The following ARHGAP26 variants were observed in gnomAD, a reference collection of about 807,000 sequenced individuals.
The protein encoded by ARHGAP26 is rho GTPase-activating protein 26.
A neutral mutation model predicts 104.8 loss-of-function variants in ARHGAP26; 38 were observed. The observed-to-expected ratio is 0.36, with a 90% CI of 0.28 to 0.48. The LOEUF (loss-of-function observed/expected upper bound fraction) is 0.48, where lower values mean the gene tolerates loss of function less well. Ranked by LOEUF, ARHGAP26 falls within the 20% of genes least tolerant of loss-of-function variation. The pLI is 0.99. For synonymous variants in ARHGAP26, 341 were observed against 340.0 expected (o/e 1.00, Z -0.03); for missense variants, 704 against 947.9 (o/e 0.74, Z 3.38).
intron 20 of ARHGAP26, among the ~76,000 whole-genome samples, chr5:143,183,373 G>C (rs1018105977): frequency 6.6e-6 from 1 of 152,148 alleles, no homozygotes; most frequent in African/African-American, 2.4e-5. Flanking sequence ...GGATTGAGGA[G>C]ATAATGAGAG....
rs35142931 is a variant in ARHGAP26, at chr5:143,167,307, TAA to T, written c.1988+19950_1988+19951del. Among the ~76,000 whole-genome samples, 291 of 96,884 alleles carry T rather than the reference TAA, an allele frequency of 3.0e-3. 3 individuals are homozygous for T. The East Asian group carries it at 0.032, about 11-fold the overall frequency. 63.6% of individuals were successfully genotyped at this position (96,884 alleles called of 152,430 possible). On this transcript the variant is annotated intron_variant, in intron 20 of 22. Transcript: ENST00000645722. Reference sequence around the variant, plus strand: ...CATTGTTGAAACCTCATCTCTACTTTAAAAAAAAAAAAAAAAAAAAAAAAATT... The same window carrying T: ...CATTGTTGAAACCTCATCTCTACTTTAAAAAAAAAAAAAAAAAAAAAAATT...
At chr5:143,096,841 C>G (rs1352323766) in intron 17 of ARHGAP26, among the ~76,000 whole-genome samples, 6 of 152,028 alleles carry the variant, frequency 3.9e-5, no homozygotes, top group Non-Finnish European at 1.5e-5. Flanking sequence ...GAAACCTCCC[C>G]GTAGTTAATG....
In ARHGAP26 at chr5:143,224,231, T is replaced by TATG. The variant is rs1811481439; in HGVS notation, c.*1786_*1788dup. 1 of 231,488 alleles carries TATG rather than the reference T, an allele frequency of 4.3e-6. No homozygotes were observed. Among genetic ancestry groups the TATG allele is most frequent in the Non-Finnish European group, 8.6e-6 (1 of 116,870 alleles). The allele number at this position is 231,488 out of a possible 1,614,324, so 14.3% of individuals were successfully genotyped here. ...ACTTAGGCTTTGATTGCTGAAGAAG[T>TATG]ATGTTTAAGAGGGAGAGAGGGGAGG... On this transcript the variant is annotated 3_prime_UTR_variant, in exon 23 of 23. Coordinates refer to ENST00000645722, the MANE Select transcript of ARHGAP26 (RefSeq NM_001135608.3).
At chr5:142,840,092 A>G (rs965613759) in intron 1 of ARHGAP26, among the ~76,000 whole-genome samples, 3 of 152,100 alleles carry the variant, frequency 2.0e-5, no homozygotes, top group African/African-American at 7.2e-5. Flanking sequence ...GATGGGATGT[A>G]TGGGTGTGGC....
chr5:143,104,037 A>AG (rs1562431967), intron 17 of ARHGAP26, among the ~76,000 whole-genome samples: 8 of 151,984 alleles, frequency 5.3e-5, no homozygotes. Context: ...GAAAAAAAAA[A>AG]AGAGAGAAAT....
rs908016198 is a variant in ARHGAP26, at chr5:143,228,778, A to G, written c.*6332A>G. The G allele has an allele frequency of 8.6e-5, 17 of 197,836 alleles. No homozygotes were observed. The highest frequency in any genetic ancestry group is 1.9e-4 in the South Asian group (1 of 5,196). 12.3% of individuals were successfully genotyped at this position (197,836 alleles called of 1,614,324 possible). A position where few individuals can be genotyped will look rare whatever the true frequency, so the allele number is the denominator to read the frequency against. On this transcript the variant is annotated 3_prime_UTR_variant, in exon 23 of 23. Transcript: ENST00000645722. ...ATAGAATCCAATGCTGTAATTAGAA[A>G]GTAATCTGTGACTAGAATAGACCTT...
intron 17 of ARHGAP26, among the ~76,000 whole-genome samples, chr5:143,088,337 C>T (rs994659648): frequency 2.6e-5 from 4 of 152,070 alleles, no homozygotes; most frequent in Non-Finnish European, 4.4e-5. Context: ...GGGACATATA[C>T]GGTTGTACTA....
intron 5 of ARHGAP26, among the ~76,000 whole-genome samples, chr5:142,893,211 C>T (rs899800712): frequency 2.0e-5 from 3 of 152,002 alleles, no homozygotes; most frequent in Admixed American, 6.6e-5. Flanking sequence ...CTCTTGACCT[C>T]GTGATCCGCC....
At chr5:142,805,380 G>A (rs1333662714) in intron 1 of ARHGAP26, among the ~76,000 whole-genome samples, 1 of 152,120 alleles carries the variant, frequency 6.6e-6, no homozygotes, top group Non-Finnish European at 1.5e-5. Context: ...GGGATTACAG[G>A]TGTGACCCAC....
At chr5:143,165,666 C>G (rs1801833189) in intron 20 of ARHGAP26, among the ~76,000 whole-genome samples, 1 of 152,140 alleles carries the variant, frequency 6.6e-6, no homozygotes, top group Non-Finnish European at 1.5e-5. Context: ...ACCCATCACC[C>G]AATAATGAAC....
At chr5:142,968,174 G>A (rs1035533055) in intron 11 of ARHGAP26, among the ~76,000 whole-genome samples, 7 of 151,900 alleles carry the variant, frequency 4.6e-5, no homozygotes, top group Non-Finnish European at 7.4e-5. Flanking sequence ...GAGGTAGGTC[G>A]TATTTCCCTC....
intron 20 of ARHGAP26, among the ~76,000 whole-genome samples, chr5:143,187,781 G>C (rs546797945): frequency 6.6e-6 from 1 of 152,330 alleles, no homozygotes; most frequent in Admixed American, 6.5e-5. Context: ...ACAGGGGAGT[G>C]TCCAGCCCTA....
chr5:143,060,698 G>T (rs76179606), intron 17 of ARHGAP26, among the ~76,000 whole-genome samples: 1 of 151,752 alleles, frequency 6.6e-6, no homozygotes, highest in African/African-American at 2.4e-5. Flanking sequence ...AGAATAACCC[G>T]GGGCGCTTGT....
chr5:142,871,068 T>G lies in ARHGAP26; in HGVS notation c.155-2332T>G, dbSNP rs1279422286. On this transcript the variant is annotated intron_variant, in intron 1 of 22. Transcript: ENST00000645722. The surrounding 1 kb of genome is among the most constrained non-coding windows in gnomAD (Gnocchi z 4.1). ...CTCTACCCAGCTTTCCTCATTGGCTTGAAGCCCAATACTGACTCCATACCA... is the reference window on the plus strand; with the variant it reads ...CTCTACCCAGCTTTCCTCATTGGCTGGAAGCCCAATACTGACTCCATACCA... Among the ~76,000 whole-genome samples the G allele has an allele frequency of 6.6e-6, 1 of 152,218 alleles. No individual in the cohort carries two copies. Among genetic ancestry groups the G allele is most frequent in the Non-Finnish European group, 1.5e-5 (1 of 68,030 alleles).
chr5:143,036,691 A>G (rs1782689296), intron 12 of ARHGAP26, among the ~76,000 whole-genome samples: 1 of 152,156 alleles, frequency 6.6e-6, no homozygotes, highest in African/African-American at 2.4e-5. Context: ...ACTTAGTTTT[A>G]CCAAGCCTCA....
At chr5:142,787,855 C>G (rs1324629194) in intron 1 of ARHGAP26, among the ~76,000 whole-genome samples, 1 of 152,132 alleles carries the variant, frequency 6.6e-6, no homozygotes, top group Non-Finnish European at 1.5e-5. Context: ...CCCTATGTAT[C>G]ATTAACTACT....
chr5:142,847,259 A>C (rs1456113165), intron 1 of ARHGAP26, among the ~76,000 whole-genome samples: 2 of 152,192 alleles, frequency 1.3e-5, no homozygotes, highest in Non-Finnish European at 2.9e-5. Context: ...AATTACTATT[A>C]TTAGGTACTG....
chr5:142,902,089 A>G lies in ARHGAP26; in HGVS notation c.702+50A>G, dbSNP rs561693090. 4.4e-5 allele frequency: 67 copies of G among 1,517,270 alleles called. No homozygotes were observed. In the African/African-American group the frequency reaches 8.7e-4, roughly 20 times the overall value. 94.0% of individuals were successfully genotyped at this position (1,517,270 alleles called of 1,614,324 possible). A position where few individuals can be genotyped will look rare whatever the true frequency, so the allele number is the denominator to read the frequency against. ...CTTTTATCTGGTTAAGGAAAAACAAAATATGGGCCTGATTGCCCTAGAAAC... is the reference window on the plus strand; with the variant it reads ...CTTTTATCTGGTTAAGGAAAAACAAGATATGGGCCTGATTGCCCTAGAAAC... On this transcript the variant is annotated intron_variant, in intron 7 of 22. Coordinates refer to ENST00000645722, the MANE Select transcript of ARHGAP26 (RefSeq NM_001135608.3).
rs575954099 is a variant in ARHGAP26, at chr5:143,120,941, T to C, written c.1539-47T>C. ...GGATACAGGGTGGTTGGTATCTCTG[T>C]GTACACGATTTGTCTCATTGGTACC... On this transcript the variant is annotated intron_variant, in intron 17 of 22. Transcript: ENST00000645722. 6.3e-6 allele frequency: 10 copies of C among 1,575,038 alleles called. No individual in the cohort carries two copies. The South Asian group carries it at 9.3e-5, about 15-fold the overall frequency.
Sources: gnomAD v4.1 joint callset for allele counts (sites outside exome capture counted in the v4.1 genomes callset) on GRCh38, gnomAD v4.1.1 for gene constraint, Gnocchi (gnomAD v3.1) non-coding constraint, MANE v1.5 for transcripts, NCBI Gene and HGNC (gene_info 2026-07-23, HGNC 2026-07-21) for gene names.